ZFPM2: variants seen among roughly 807,000 people sequenced by gnomAD.
ZFPM2 encodes zinc finger protein, FOG family member 2.
A neutral mutation model predicts 98.6 loss-of-function variants in ZFPM2; 20 were observed. The observed-to-expected ratio is 0.20, with a 90% confidence interval of 0.14 to 0.29. ZFPM2 has a LOEUF of 0.29. Among genes scored for constraint, ZFPM2 ranks in the 10% least tolerant of loss-of-function variants. ZFPM2 has a pLI of 1.00. For missense variants in ZFPM2, 1,310 were observed against 1,388.6 expected, an observed-to-expected ratio of 0.94 and a Z score of 0.90; for synonymous variants, 518 against 502.7, an observed-to-expected ratio of 1.03 and a Z score of -0.41.
intron 5 of ZFPM2, among the ~76,000 whole-genome samples, chr8:105,663,974 A>G (rs1486523987): frequency 1.3e-5 from 2 of 152,218 alleles, no homozygotes; most frequent in Non-Finnish European, 2.9e-5. Flanking sequence ...TGGGATTCTC[A>G]GTAAAAATCA....
chr8:105,508,711 G>A (rs560129577), intron 3 of ZFPM2, among the ~76,000 whole-genome samples: 5 of 151,864 alleles, frequency 3.3e-5, no homozygotes, highest in Non-Finnish European at 4.4e-5. Context: ...GGGGCTCTTC[G>A]GCTTCATTTC....
At chr8:105,487,983 G>A (rs1175350540) in intron 3 of ZFPM2, among the ~76,000 whole-genome samples, 1 of 149,948 alleles carries the variant, frequency 6.7e-6, no homozygotes, top group Admixed American at 6.7e-5. Context: ...AGTCATTTTA[G>A]TTTTACAGCA....
intron 3 of ZFPM2, among the ~76,000 whole-genome samples, chr8:105,499,221 G>A (rs1179134360): frequency 6.0e-5 from 9 of 150,730 alleles, no homozygotes; most frequent in East Asian, 2.0e-4. Context: ...GCAATGCGAC[G>A]TCAGTTTAAG....
chr8:105,357,477 G>A (rs1242857164), intron 1 of ZFPM2, among the ~76,000 whole-genome samples: 2 of 152,162 alleles, frequency 1.3e-5, no homozygotes, highest in Non-Finnish European at 2.9e-5. Context: ...CAGATGGTAA[G>A]CGTTTACTTC....
chr8:105,398,704 G>C (rs1811273431), intron 1 of ZFPM2, among the ~76,000 whole-genome samples: 1 of 152,106 alleles, frequency 6.6e-6, no homozygotes, highest in African/African-American at 2.4e-5. Context: ...GCAGAGCTCA[G>C]ATAGTAATTA....
intron 5 of ZFPM2, among the ~76,000 whole-genome samples, chr8:105,702,474 TTC>T (rs890020135): frequency 6.6e-6 from 1 of 152,220 alleles, no homozygotes; most frequent in African/African-American, 2.4e-5. Context: ...GCTTTTCCAC[TTC>T]TACCTTTTCT....
chr8:105,707,502 T>A (rs1811291349), intron 5 of ZFPM2, among the ~76,000 whole-genome samples: 1 of 152,132 alleles, frequency 6.6e-6, no homozygotes, highest in Non-Finnish European at 1.5e-5. Flanking sequence ...AATACACAAC[T>A]TTCACCTACA....
At chr8:105,620,111 T>A (rs1330313598) in intron 4 of ZFPM2, among the ~76,000 whole-genome samples, 4 of 152,182 alleles carry the variant, frequency 2.6e-5, no homozygotes, top group South Asian at 2.1e-4. Context: ...CGCCACACTG[T>A]CTTCCACAAT....
chr8:105,689,378 G>T (rs577906172), intron 5 of ZFPM2, among the ~76,000 whole-genome samples: 20 of 152,118 alleles, frequency 1.3e-4, no homozygotes, highest in Non-Finnish European at 2.9e-4. Flanking sequence ...ATGTTTTGCA[G>T]ACATATTATT....
In ZFPM2 at chr8:105,561,361, A is replaced by G; in HGVS notation, c.302-2A>G. 1 of 1,612,290 alleles carries G rather than the reference A, an allele frequency of 6.2e-7. No individual in the cohort carries two copies. The stretch of plus-strand genomic sequence containing the variant: ...TAAACACTTCTGTTCCTTTGTCTGC[A>G]GGAGAGCTGGAGGTGTTTCAGAAAG... On this transcript the variant is annotated splice_acceptor_variant, in intron 3 of 7. Coordinates refer to ENST00000407775, the MANE Select transcript of ZFPM2 (RefSeq NM_012082.4). LOFTEE classifies it high-confidence loss of function.
intron 1 of ZFPM2, among the ~76,000 whole-genome samples, chr8:105,394,997 T>C (rs1182356661): frequency 1.3e-5 from 2 of 152,168 alleles, no homozygotes; most frequent in Non-Finnish European, 2.9e-5. Context: ...GGGTAGTGTC[T>C]GTGACTAGAA....
At chr8:105,570,842 T>C (rs1815339221) in intron 4 of ZFPM2, among the ~76,000 whole-genome samples, 1 of 152,206 alleles carries the variant, frequency 6.6e-6, no homozygotes, top group South Asian at 2.1e-4. Flanking sequence ...TTTTGGCCTT[T>C]GGTTTATATG....
rs547352765 is a variant in ZFPM2 at position 105,569,649 on chromosome 8, A to G, written c.420+8168A>G. Among the ~76,000 whole-genome samples, 3 of 152,342 alleles carry G rather than the reference A, an allele frequency of 2.0e-5. No individual in the cohort carries two copies. In the South Asian group the frequency reaches 6.2e-4, roughly 32 times the overall value. ...AGATTTGCAACCCTTGGATGCAGCT[A>G]GGAGGATGAGGTGTTGCGCCTAGTG... On this transcript the variant is annotated intron_variant, in intron 4 of 7. Coordinates refer to ENST00000407775, the MANE Select transcript of ZFPM2 (RefSeq NM_012082.4).
intron 5 of ZFPM2, among the ~76,000 whole-genome samples, chr8:105,693,690 G>A (rs1321627756): frequency 6.6e-6 from 1 of 152,020 alleles, no homozygotes; most frequent in East Asian, 1.9e-4. Flanking sequence ...GCTGTAACAT[G>A]TGCTTCTTGC....
At chr8:105,320,267 T>G (rs181154210) in intron 1 of ZFPM2, among the ~76,000 whole-genome samples, 11 of 150,490 alleles carry the variant, frequency 7.3e-5, no homozygotes, top group African/African-American at 2.5e-4. Flanking sequence ...TGTGTGTGTG[T>G]GTGTGTGTGT....
intron 5 of ZFPM2, among the ~76,000 whole-genome samples, chr8:105,711,374 T>C (rs1811392719): frequency 6.6e-6 from 1 of 152,100 alleles, no homozygotes. Context: ...TCTGTATTAT[T>C]ACACCTCAGA....
intron 1 of ZFPM2, among the ~76,000 whole-genome samples, chr8:105,357,628 CT>C (rs1336155866): frequency 6.6e-6 from 1 of 151,624 alleles, no homozygotes; most frequent in East Asian, 1.9e-4. Flanking sequence ...GTTTATGTTT[CT>C]TCTAGAAAAT....
intron 3 of ZFPM2, among the ~76,000 whole-genome samples, chr8:105,499,520 T>G (rs1813545060): frequency 6.6e-6 from 1 of 152,166 alleles, no homozygotes; most frequent in African/African-American, 2.4e-5. Context: ...TGTAATAGAT[T>G]GGAGTAAAAT....
intron 5 of ZFPM2, chr8:105,670,143 A>G (rs1177187350): frequency 1.3e-5 from 2 of 152,158 alleles, no homozygotes; most frequent in Non-Finnish European, 2.9e-5. Flanking sequence ...AATAACTGCA[A>G]CATATATAGA....
Sources: gnomAD v4.1 joint callset for allele counts (sites outside exome capture counted in the v4.1 genomes callset) on GRCh38, gnomAD v4.1.1 for gene constraint, MANE v1.5 for transcripts, NCBI Gene and HGNC (gene_info 2026-07-23, HGNC 2026-07-21) for gene names.